Variants in FAT4 observed in about 807,000 individuals in gnomAD.
FAT4 encodes the protein protocadherin Fat 4.
In FAT4, 84 loss-of-function variants were observed where a neutral mutation model predicts 303.9. That is an observed-to-expected ratio of 0.28 (90% CI 0.23 to 0.33). The LOEUF (loss-of-function observed/expected upper bound fraction) is 0.33. Among genes scored for constraint, FAT4 ranks in the 10% least tolerant of loss-of-function variants. The probability of loss-of-function intolerance (pLI) is 1.00; values close to 1 mark genes in which losing one functional copy is unlikely to be tolerated. For synonymous variants in FAT4, 2,307 were observed against 2,298.8 expected (o/e 1.00, Z -0.10); for missense variants, 6,005 against 6,146.8 (o/e 0.98, Z 0.77).
chr4:125,489,909 G>C lies in FAT4; in HGVS notation c.13093G>C (p.Asp4365His). 1.7e-6 allele frequency: 2 copies of C among 1,176,524 alleles called. No homozygotes were observed. The highest frequency in any genetic ancestry group is 1.4e-5 in the South Asian group (1 of 70,832). 72.9% of individuals were successfully genotyped at this position (1,176,524 alleles called of 1,614,324 possible). A position where few individuals can be genotyped will look rare whatever the true frequency, so the allele number is the denominator to read the frequency against. Residue 4365 changes from aspartate (D) to histidine (H), a missense_variant, in exon 18 of 18, where the codon GAT becomes CAT. Coordinates refer to ENST00000394329, the MANE Select transcript of FAT4 (RefSeq NM_001291303.3). Reference protein sequence around the residue: ...AHRDAQTAGFDGCIASMWYGG... With the variant: ...AHRDAQTAGFHGCIASMWYGG... ...CCTTCTTCTTCTCCCAGCAGGTTTT[G>C]ATGGCTGCATTGCTTCTATGTGGTA...
chr4:125,377,037 T>C (rs1382006526), intron 2 of FAT4, among the ~76,000 whole-genome samples: 1 of 152,186 alleles, frequency 6.6e-6, no homozygotes, highest in Non-Finnish European at 1.5e-5. Context: ...AAGAAAAATC[T>C]GGCTCCTGAG....
intron 10 of FAT4, among the ~76,000 whole-genome samples, chr4:125,459,476 A>T (rs992490232): frequency 1.3e-5 from 2 of 152,056 alleles, no homozygotes; most frequent in Admixed American, 1.3e-4. Context: ...ATTTATTTTC[A>T]CCTTAAGCTA....
intron 7 of FAT4, among the ~76,000 whole-genome samples, chr4:125,419,943 C>A (rs1438010652): frequency 6.6e-6 from 1 of 152,216 alleles, no homozygotes; most frequent in Non-Finnish European, 1.5e-5. Flanking sequence ...AAAATGCCAA[C>A]CTTTCTGCCA....
At chr4:125,397,122 A>T (rs941829304) in intron 2 of FAT4, among the ~76,000 whole-genome samples, 1 of 151,984 alleles carries the variant, frequency 6.6e-6, no homozygotes, top group African/African-American at 2.4e-5. Flanking sequence ...AAGCTTCCAG[A>T]TCTGTCCTAA....
At chr4:125,419,195 T>A (rs1262948032) in intron 7 of FAT4, among the ~76,000 whole-genome samples, 1 of 152,200 alleles carries the variant, frequency 6.6e-6, no homozygotes, top group Non-Finnish European at 1.5e-5. Context: ...ATTCTAGCTA[T>A]TAATGTCAGT....
At chr4:125,349,321 A>G (rs1393497657) in intron 2 of FAT4, among the ~76,000 whole-genome samples, 1 of 151,850 alleles carries the variant, frequency 6.6e-6, no homozygotes, top group Admixed American at 6.6e-5. Flanking sequence ...CACATGTGTT[A>G]TGGGCTGAAA....
intron 9 of FAT4, 113 bp downstream of exon 9, chr4:125,446,656 C>T (rs1725839933): frequency 1.8e-6 from 2 of 1,115,170 alleles, no homozygotes; most frequent in African/African-American, 1.6e-5. Flanking sequence ...CCTAATTTTG[C>T]AAATCCTCTA....
chr4:125,364,924 CAGTT>C lies in FAT4; in HGVS notation c.5176-33857_5176-33854del, dbSNP rs528269980. On this transcript the variant is annotated intron_variant, in intron 2 of 17. Coordinates refer to ENST00000394329, the MANE Select transcript of FAT4 (RefSeq NM_001291303.3). Reference sequence around the variant, plus strand: ...GCTTTCTGGCTACATGAAAAGAAAACAGTTAGAGGTTGGGGGCATTGCGGATTTA... The same window carrying C: ...GCTTTCTGGCTACATGAAAAGAAAACAGAGGTTGGGGGCATTGCGGATTTA... Among the ~76,000 whole-genome samples, 401 of 152,202 alleles carry C rather than the reference CAGTT, an allele frequency of 2.6e-3. 1 individual carries two copies. The highest frequency in any genetic ancestry group is 4.5e-3 in the Non-Finnish European group (307 of 68,004).
rs1393033970 is a variant in FAT4 at position 125,318,127 on chromosome 4, C to T, written c.1716C>T (p.Leu572=). 1 of 1,614,090 alleles carries T rather than the reference C, an allele frequency of 6.2e-7. No individual in the cohort carries two copies. The highest frequency in any genetic ancestry group is 8.5e-7 in the Non-Finnish European group (1 of 1,180,040). ...KVSYAQLVVT[L]LDVNDEKPVF... ...CCTATGCCCAGCTTGTAGTAACTCT[C>T]CTAGATGTGAATGATGAAAAGCCAG... Residue 572 remains leucine, a synonymous_variant, in exon 2 of 18, where the codon CTC becomes CTT. Transcript: ENST00000394329.
chr4:125,386,181 A>G (rs1466126028), intron 2 of FAT4, among the ~76,000 whole-genome samples: 1 of 152,214 alleles, frequency 6.6e-6, no homozygotes, highest in Non-Finnish European at 1.5e-5. Flanking sequence ...AATGTACATT[A>G]AATGCCTTCT....
At chr4:125,443,562 T>C (rs1725731959) in intron 8 of FAT4, among the ~76,000 whole-genome samples, 1 of 152,188 alleles carries the variant, frequency 6.6e-6, no homozygotes, top group South Asian at 2.1e-4. Context: ...TTCAGATTCA[T>C]TATCCCTAAA....
intron 2 of FAT4, among the ~76,000 whole-genome samples, chr4:125,323,772 C>T (rs1731046675): frequency 1.3e-5 from 2 of 152,116 alleles, no homozygotes; most frequent in Non-Finnish European, 1.5e-5. Context: ...TTATACATTT[C>T]CTCTTGTTAT....
chr4:125,440,610 T>TGTGA (rs372756130), intron 8 of FAT4, among the ~76,000 whole-genome samples: 226 of 75,740 alleles, frequency 3.0e-3, no homozygotes, highest in African/African-American at 9.9e-3. Context: ...TGTGTGTGTG[T>TGTGA]GAGAGAGAGA....
At chr4:125,396,977 G>A (rs1734211307) in intron 2 of FAT4, among the ~76,000 whole-genome samples, 1 of 148,582 alleles carries the variant, frequency 6.7e-6, no homozygotes, top group South Asian at 2.1e-4. Flanking sequence ...AAATATGTAT[G>A]TGTGTGTGTA....
At chr4:125,358,714 C>A in intron 2 of FAT4, among the ~76,000 whole-genome samples, 1 of 152,068 alleles carries the variant, frequency 6.6e-6, no homozygotes, top group East Asian at 1.9e-4. Context: ...CTGTGTGGCC[C>A]AGTTCATATC....
chr4:125,462,588 A>G (rs892799095), intron 10 of FAT4, among the ~76,000 whole-genome samples: 3 of 152,018 alleles, frequency 2.0e-5, no homozygotes, highest in African/African-American at 7.2e-5. Flanking sequence ...AATAAGTAAC[A>G]ACAACAAAAA....
At chr4:125,484,197 T>A (rs13105479) in intron 16 of FAT4, among the ~76,000 whole-genome samples, 58,147 of 151,620 alleles carry the variant, frequency 0.38, 11,179 homozygotes, top group Middle Eastern at 0.46. Flanking sequence ...GTGTCAGGTG[T>A]GGGCAGCAAT....
At chr4:125,385,300 G>T (rs2126002026) in intron 2 of FAT4, among the ~76,000 whole-genome samples, 1 of 152,126 alleles carries the variant, frequency 6.6e-6, no homozygotes, top group African/African-American at 2.4e-5. Context: ...TGGGATTACA[G>T]GCATGAGCCA....
At chr4:125,458,399 T>A in intron 10 of FAT4, among the ~76,000 whole-genome samples, 1 of 152,002 alleles carries the variant, frequency 6.6e-6, no homozygotes, top group East Asian at 1.9e-4. Context: ...GTGATTCTTT[T>A]AAAATTACTA....
Sources: allele counts gnomAD v4.1 joint callset (sites outside exome capture counted in the v4.1 genomes callset), GRCh38; gene constraint gnomAD v4.1.1; transcripts MANE v1.5; gene names NCBI Gene and HGNC (gene_info 2026-07-23, HGNC 2026-07-21).